KIF21B: variants seen among roughly 807,000 people sequenced by gnomAD.
KIF21B encodes the protein kinesin-like protein KIF21B.
Under a neutral mutation model 192.9 loss-of-function variants are expected in KIF21B, and 85 were observed. The observed-to-expected ratio is 0.44, with a 90% CI of 0.37 to 0.53. The LOEUF (loss-of-function observed/expected upper bound fraction) is 0.53. Among genes scored for constraint, KIF21B ranks in the 20% least tolerant of loss-of-function variants. The pLI is 0.00. For synonymous variants in KIF21B, 832 were observed against 884.6 expected, an observed-to-expected ratio of 0.94 and a Z score of 1.05; for missense variants, 1,716 against 2,194.8, an observed-to-expected ratio of 0.78 and a Z score of 4.36.
At position 201,000,103 on chromosome 1, in the gene KIF21B, C is replaced by T. The variant is rs1657382387; in HGVS notation, c.1686-139G>A. On this transcript the variant is annotated intron_variant, in intron 11 of 34. Coordinates refer to ENST00000461742, the MANE Select transcript of KIF21B (RefSeq NM_001252102.2). This position sits in a 1 kb window ranked among gnomAD's most constrained non-coding sequence, Gnocchi z 6.0. ...CACTGGCTCCTACTCTGCAGAGAAC[C>T]CCACTGCTCTTCCCTAGGGCCACCC... is the stretch of plus-strand genomic sequence containing the variant. 7.6e-6 allele frequency: 6 copies of T among 785,808 alleles called. No individual in the cohort carries two copies. The highest frequency in any genetic ancestry group is 1.3e-5 in the Non-Finnish European group (6 of 474,536). The allele number at this position is 785,808 out of a possible 1,614,324, so 48.7% of individuals were successfully genotyped here. A position where few individuals can be genotyped will look rare whatever the true frequency, so the allele number is the denominator to read the frequency against.
At chr1:200,973,746 T>C in intron 34 of KIF21B, 168 bp from the exon 35 acceptor site, 1 of 1,468,852 alleles carries the variant, frequency 6.8e-7, no homozygotes, top group Non-Finnish European at 8.9e-7. Flanking sequence ...GGTGGGGTGC[T>C]GGGCAGATGG....
chr1:201,021,285 G>A (rs187998327), intron 1 of KIF21B, among the ~76,000 whole-genome samples: 10 of 152,342 alleles, frequency 6.6e-5, no homozygotes, highest in South Asian at 6.2e-4. Context: ...GTACACGGCC[G>A]GCTGCCCATT....
intron 1 of KIF21B, among the ~76,000 whole-genome samples, chr1:201,012,812 T>C (rs1304701369): frequency 6.6e-6 from 1 of 152,072 alleles, no homozygotes. Context: ...CCCATCTAAT[T>C]TTTATATTTT....
rs558508803 is a variant in KIF21B at position 200,980,866 on chromosome 1, T to G, written c.3979+94A>C. ...CCATATCCTCAACTCCTGGGGGCTC[T>G]ATGTTCTTTTCTCCTTCACAGACCA... On this transcript the variant is annotated intron_variant, in intron 29 of 34. Transcript: ENST00000461742. 4.1e-6 allele frequency: 6 copies of G among 1,479,974 alleles called. No individual in the cohort carries two copies. The Admixed American group carries it at 1.4e-4, about 35-fold the overall frequency. 91.7% of individuals were successfully genotyped at this position (1,479,974 alleles called of 1,614,324 possible). A position where few individuals can be genotyped will look rare whatever the true frequency, so the allele number is the denominator to read the frequency against.
At chr1:201,005,002 T>A (rs2102450609) in intron 5 of KIF21B, 69 bp from the exon 6 acceptor site, 1 of 1,528,876 alleles carries the variant, frequency 6.5e-7, no homozygotes, top group Non-Finnish European at 8.9e-7. Flanking sequence ...ATCACAGTAC[T>A]GCCATCCGGG....
Position 200,999,311 on chromosome 1 carries a change from A to T in KIF21B, c.1885+38T>A. The T allele has an allele frequency of 6.2e-7, 1 of 1,613,594 alleles. No homozygotes were observed. Among genetic ancestry groups the T allele is most frequent in the Non-Finnish European group, 8.5e-7 (1 of 1,179,772 alleles). On this transcript the variant is annotated intron_variant, in intron 13 of 34. Coordinates refer to ENST00000461742, the MANE Select transcript of KIF21B (RefSeq NM_001252102.2). This position sits in a 1 kb window ranked among gnomAD's most constrained non-coding sequence, Gnocchi z 4.7. The stretch of plus-strand genomic sequence containing the variant: ...CACACTTGGGCACTGGCAGCCAGGC[A>T]TTGCATCCCCCACAGCCCACAGCTC...
At chr1:200,977,448 G>A (rs577894727) in intron 30 of KIF21B, 72 bp from the exon 31 acceptor site, 49 of 1,538,148 alleles carry the variant, frequency 3.2e-5, no homozygotes, top group East Asian at 1.1e-4. Context: ...CCAATAAAAC[G>A]TCACTAAGAC....
chr1:201,006,545 G>A (rs1657830459), intron 3 of KIF21B, among the ~76,000 whole-genome samples: 5 of 152,162 alleles, frequency 3.3e-5, no homozygotes, highest in Admixed American at 1.3e-4. Context: ...CCACATGAAT[G>A]GGGAAGAGGA....
rs752614135 is a variant in KIF21B at position 200,974,808 on chromosome 1, C to T, written c.4720G>A (p.Val1574Met). The T allele has an allele frequency of 1.1e-5, 17 of 1,614,134 alleles. No individual in the cohort carries two copies. Among genetic ancestry groups the T allele is most frequent in the African/African-American group, 1.3e-5 (1 of 74,950 alleles). The change falls in exon 34 of 35, where the codon GTG becomes ATG. Residue 1574 changes from valine to methionine, a missense_variant. By Grantham distance (21) the Val-to-Met change is conservative. Around this residue, in one of 3 missense-constraint regions of KIF21B, gnomAD observed 580 missense variants for 775.5 expected, o/e 0.75. Coordinates refer to ENST00000461742, the MANE Select transcript of KIF21B (RefSeq NM_001252102.2). ...TCACCGATGGGTGTGAAGTTGTCCA[C>T]GTTCCAGACCTTGATGACACCCGCA... Reference protein sequence around the residue: ...CRAGVIKVWNVDNFTPIGEIK... With the variant: ...CRAGVIKVWNMDNFTPIGEIK...
intron 1 of KIF21B, among the ~76,000 whole-genome samples, chr1:201,018,535 T>C (rs188463845): frequency 7.2e-5 from 11 of 152,364 alleles, no homozygotes; most frequent in Admixed American, 2.0e-4. Context: ...AGTAAAGCAT[T>C]TGAAGAAACT....
At chr1:201,012,284 AG>A (rs905793591) in intron 1 of KIF21B, among the ~76,000 whole-genome samples, 1 of 152,182 alleles carries the variant, frequency 6.6e-6, no homozygotes, top group African/African-American at 2.4e-5. Flanking sequence ...GCTGGGAGAC[AG>A]GGGGGCATGG....
At chr1:201,007,715 C>A (rs1657990251) in intron 3 of KIF21B, among the ~76,000 whole-genome samples, 1 of 151,028 alleles carries the variant, frequency 6.6e-6, no homozygotes, top group Non-Finnish European at 1.5e-5. Flanking sequence ...CGCACACAGA[C>A]ACATAGACAC....
In KIF21B at chr1:200,990,943, G is replaced by A. The variant is rs1168072488; in HGVS notation, c.2661C>T (p.Pro887=). Residue 887 remains proline (P), a synonymous_variant, in exon 18 of 35, where the codon CCC becomes CCT. Transcript: ENST00000461742. The surrounding 1 kb of genome is among the most constrained non-coding windows in gnomAD (Gnocchi z 5.4). ...GGGCAGGACGGGTGCCATTGACAGT[G>A]GGCGCAGGATGGTCCCCCAAGAAGT... The part of the protein sequence containing the change: ...INHFLGDHPA[P]TVNGTRPARK... The A allele has an allele frequency of 1.2e-6, 2 of 1,614,174 alleles. No individual in the cohort carries two copies. The highest frequency in any genetic ancestry group is 1.7e-6 in the Non-Finnish European group (2 of 1,180,050).
intron 1 of KIF21B, among the ~76,000 whole-genome samples, chr1:201,012,601 AT>A (rs747628128): frequency 9.9e-5 from 15 of 151,900 alleles, no homozygotes; most frequent in Non-Finnish European, 2.1e-4. Flanking sequence ...ATGCCCTTCC[AT>A]TCCTCAAGCT....
At chr1:201,001,949 T>C in intron 9 of KIF21B, 1 of 590,506 alleles carries the variant, frequency 1.7e-6, no homozygotes, top group Non-Finnish European at 3.0e-6. Flanking sequence ...CATATAGTGA[T>C]GTATTGTTTG....
chr1:201,001,934 C>T, intron 9 of KIF21B: 2 of 566,214 alleles, frequency 3.5e-6, no homozygotes, highest in South Asian at 2.2e-5. Context: ...TTTAATCTTT[C>T]ACTTCATATA....
chr1:201,021,312 C>G (rs933731371), intron 1 of KIF21B, among the ~76,000 whole-genome samples: 1 of 152,216 alleles, frequency 6.6e-6, no homozygotes, highest in South Asian at 2.1e-4. Context: ...TGGCGTGTGC[C>G]GGGGCTGGGC....
At position 200,990,912 on chromosome 1, in the gene KIF21B, C is replaced by G; in HGVS notation, c.2687+5G>C. ...ACAGGCCAGGGGACTGCCAGTCCACCTTACCGGGCAGGACGGGTGCCATTG... is the reference window on the plus strand; with the variant it reads ...ACAGGCCAGGGGACTGCCAGTCCACGTTACCGGGCAGGACGGGTGCCATTG... On this transcript the variant is annotated splice_donor_5th_base_variant and intron_variant, in intron 18 of 34. Transcript: ENST00000461742. The surrounding 1 kb of genome is among the most constrained non-coding windows in gnomAD (Gnocchi z 5.4). 1.9e-6 allele frequency: 3 copies of G among 1,614,118 alleles called. No individual in the cohort carries two copies. Among genetic ancestry groups the G allele is most frequent in the South Asian group, 2.2e-5 (2 of 91,086 alleles).
intron 34 of KIF21B, 187 bp from the exon 35 acceptor site, chr1:200,973,765 G>C: frequency 6.9e-7 from 1 of 1,454,994 alleles, no homozygotes. Context: ...GGAGAGGCCT[G>C]TGCACTCAGA....
Sources: allele counts gnomAD v4.1 joint callset (sites outside exome capture counted in the v4.1 genomes callset), GRCh38; gene constraint gnomAD v4.1.1; regional missense constraint gnomAD v4.1.1; non-coding constraint Gnocchi (gnomAD v3.1); transcripts MANE v1.5; gene names NCBI Gene and HGNC (gene_info 2026-07-23, HGNC 2026-07-21).